SSBP3: variants seen among roughly 807,000 people sequenced by gnomAD.
SSBP3 encodes the protein single stranded DNA binding protein 3.
Under a neutral mutation model 69.6 loss-of-function variants are expected in SSBP3, and 5 were observed. The ratio of observed to expected loss-of-function variants is 0.07; its 90% CI spans 0.04 to 0.15. The LOEUF (loss-of-function observed/expected upper bound fraction) is 0.15. Among genes scored for constraint, SSBP3 ranks in the 10% least tolerant of loss-of-function variants. The pLI is 1.00. For missense variants in SSBP3, 312 were observed against 534.0 expected, an observed-to-expected ratio of 0.58 and a Z score of 4.10; for synonymous variants, 196 against 193.4, an observed-to-expected ratio of 1.01 and a Z score of -0.11.
At chr1:54,228,173 C>T (rs1557434344) in intron 17 of SSBP3, 82 bp downstream of exon 17, 2 of 1,309,476 alleles carry the variant, frequency 1.5e-6, no homozygotes, top group East Asian at 2.3e-5. Flanking sequence ...CAGGCTGCAG[C>T]CCGGCTCCGT....
chr1:54,244,630 G>A (rs746879169), intron 9 of SSBP3, among the ~76,000 whole-genome samples: 5 of 152,186 alleles, frequency 3.3e-5, no homozygotes, highest in Non-Finnish European at 5.9e-5. Flanking sequence ...GAGGCACAGC[G>A]GGGTGGGTCA....
intron 4 of SSBP3, among the ~76,000 whole-genome samples, chr1:54,386,740 A>T (rs1648119612): frequency 8.3e-6 from 1 of 120,924 alleles, no homozygotes; most frequent in African/African-American, 3.5e-5. Context: ...CACAGGCATG[A>T]TCATAGCTCA....
intron 4 of SSBP3, among the ~76,000 whole-genome samples, chr1:54,373,943 G>T (rs1647176737): frequency 6.6e-6 from 1 of 152,136 alleles, no homozygotes; most frequent in African/African-American, 2.4e-5. Context: ...CACCAGAGCT[G>T]CGGTCAGTGT....
chr1:54,369,017 C>T (rs1647075889), intron 4 of SSBP3, among the ~76,000 whole-genome samples: 1 of 152,208 alleles, frequency 6.6e-6, no homozygotes, highest in African/African-American at 2.4e-5. Flanking sequence ...CCACACTCCC[C>T]TAAAACAAGT....
chr1:54,399,289 A>G (rs1219374435), intron 4 of SSBP3, among the ~76,000 whole-genome samples: 1 of 152,274 alleles, frequency 6.6e-6, no homozygotes, highest in African/African-American at 2.4e-5. Context: ...TGCAGGGCCA[A>G]GCCAGGTGGT....
rs1378726514 is a variant in SSBP3 at position 54,258,250 on chromosome 1, CGGCGGGCGTGCGGGGGGGT to C, written c.367-120_367-102del. 5 of 242,532 alleles carry C rather than the reference CGGCGGGCGTGCGGGGGGGT, an allele frequency of 2.1e-5. No individual in the cohort carries two copies. Among genetic ancestry groups the C allele is most frequent in the Non-Finnish European group, 3.4e-5 (5 of 145,944 alleles). 15.0% of individuals were successfully genotyped at this position (242,532 alleles called of 1,614,324 possible). Reference sequence around the variant, plus strand: ...AAATTAAACCAAAACGAAGGGTGGGCGGCGGGCGTGCGGGGGGGTGGGCTCTGGTTGGTGGGAGGTGGTG... The same window carrying C: ...AAATTAAACCAAAACGAAGGGTGGGCGGGCTCTGGTTGGTGGGAGGTGGTG... On this transcript the variant is annotated intron_variant, in intron 5 of 17. Transcript: ENST00000610401. The surrounding 1 kb of genome is among the most constrained non-coding windows in gnomAD (Gnocchi z 4.5).
intron 9 of SSBP3, among the ~76,000 whole-genome samples, chr1:54,246,863 A>T (rs1644742815): frequency 1.3e-5 from 2 of 152,258 alleles, no homozygotes; most frequent in Admixed American, 1.3e-4. Context: ...GAATGCCCAG[A>T]AGTTCAGACT....
intron 5 of SSBP3, among the ~76,000 whole-genome samples, chr1:54,274,017 CTGGAGGGGG>C (rs1311403183): frequency 6.6e-6 from 1 of 152,206 alleles, no homozygotes; most frequent in Non-Finnish European, 1.5e-5. Flanking sequence ...GGCGGAGGAG[CTGGAGGGGG>C]TGGTGCTTCT....
intron 2 of SSBP3, 48 bp from the exon 3 acceptor site, chr1:54,404,685 G>A (rs1197386547): frequency 6.2e-7 from 1 of 1,607,766 alleles, no homozygotes; most frequent in East Asian, 2.2e-5. Flanking sequence ...AGACGGGGTG[G>A]GCTGGGGGCT....
rs574352131 is a variant in SSBP3, at chr1:54,346,630, C to T, written c.276+55231G>A. Among the ~76,000 whole-genome samples, 10 of 152,072 alleles carry T rather than the reference C, an allele frequency of 6.6e-5. No individual in the cohort carries two copies. In the South Asian group the frequency reaches 1.7e-3, roughly 25 times the overall value. ...GAGATCGAGACCATCCTGACTGACA[C>T]GGTGAAACCCCATCTCTACTAAAAA... On this transcript the variant is annotated intron_variant, in intron 4 of 17. Transcript: ENST00000610401.
intron 4 of SSBP3, among the ~76,000 whole-genome samples, chr1:54,333,307 G>C (rs1204304091): frequency 6.6e-6 from 1 of 152,150 alleles, no homozygotes; most frequent in Non-Finnish European, 1.5e-5. Flanking sequence ...CTGGCCATTT[G>C]GTGTGCAGAG....
intron 5 of SSBP3, among the ~76,000 whole-genome samples, chr1:54,263,514 G>A (rs890693429): frequency 2.6e-5 from 4 of 152,176 alleles, no homozygotes; most frequent in African/African-American, 7.2e-5. Flanking sequence ...TGAGGCACAC[G>A]GGGTCCCCAG....
intron 17 of SSBP3, 74 bp downstream of exon 17, chr1:54,228,181 C>CGTA: frequency 7.2e-7 from 1 of 1,385,962 alleles, no homozygotes; most frequent in Non-Finnish European, 1.0e-6. Flanking sequence ...AGCCCGGCTC[C>CGTA]GTAGCTCGCA....
At chr1:54,375,033 CA>C (rs1647194845) in intron 4 of SSBP3, among the ~76,000 whole-genome samples, 1 of 152,028 alleles carries the variant, frequency 6.6e-6, no homozygotes, top group Non-Finnish European at 1.5e-5. Context: ...TGGGGCAAGC[CA>C]AAAAAGGCAG....
At chr1:54,408,783 C>A (rs1000172419), upstream of SSBP3, among the ~76,000 whole-genome samples, 1 of 152,192 alleles carries the variant, frequency 6.6e-6, no homozygotes, top group African/African-American at 2.4e-5. Context: ...CACCTCCTTT[C>A]CAAACATGTG....
intron 4 of SSBP3, among the ~76,000 whole-genome samples, chr1:54,343,115 CA>C (rs998747635): frequency 6.6e-5 from 10 of 152,180 alleles, no homozygotes; most frequent in Admixed American, 1.3e-4. Flanking sequence ...GATCCTGTAC[CA>C]GGGGGATACT....
intron 4 of SSBP3, among the ~76,000 whole-genome samples, chr1:54,377,002 A>C (rs1647264912): frequency 6.6e-6 from 1 of 152,178 alleles, no homozygotes; most frequent in African/African-American, 2.4e-5. Context: ...ATTAAATGAC[A>C]AAGCTTTTCT....
exon 18 of SSBP3, chr1:54,226,949 T>C (rs1644294491): frequency 3.1e-6 from 2 of 643,642 alleles, no homozygotes; most frequent in Non-Finnish European, 5.8e-6. Context: ...GTTTGGCCTT[T>C]TTATTGCATG....
intron 4 of SSBP3, among the ~76,000 whole-genome samples, chr1:54,330,108 C>G (rs1329583246): frequency 6.6e-6 from 1 of 152,102 alleles, no homozygotes; most frequent in Admixed American, 6.5e-5. Flanking sequence ...AGCCCAAGAA[C>G]AAAACGGACC....
Sources: gnomAD v4.1 joint callset for allele counts (sites outside exome capture counted in the v4.1 genomes callset) on GRCh38, gnomAD v4.1.1 for gene constraint, Gnocchi (gnomAD v3.1) non-coding constraint, MANE v1.5 for transcripts, NCBI Gene and HGNC (gene_info 2026-07-23, HGNC 2026-07-21) for gene names.